Variants in FBXL20 observed in about 807,000 individuals in gnomAD.
FBXL20 encodes F-box and leucine rich repeat protein 20.
FBXL20 carries 11 observed loss-of-function variants against 64.0 expected under a neutral mutation model. That is an observed-to-expected ratio of 0.17 (90% CI 0.11 to 0.28). The LOEUF is 0.28. Ranked by LOEUF, FBXL20 falls within the 10% of genes least tolerant of loss-of-function variation. The probability of loss-of-function intolerance (pLI) is 1.00; values close to 1 mark genes in which losing one functional copy is unlikely to be tolerated. For missense variants in FBXL20, 303 were observed against 526.2 expected (o/e 0.58, Z 4.15); for synonymous variants, 184 against 189.0 (o/e 0.97, Z 0.22).
chr17:39,341,800 G>A (rs936237825), intron 2 of FBXL20, among the ~76,000 whole-genome samples: 2 of 152,184 alleles, frequency 1.3e-5, no homozygotes, highest in African/African-American at 4.8e-5. Context: ...GTTTGTGATA[G>A]CCAAGTCTGG....
At chr17:39,374,959 G>C (rs1012075085) in intron 1 of FBXL20, among the ~76,000 whole-genome samples, 6 of 151,952 alleles carry the variant, frequency 3.9e-5, no homozygotes, top group African/African-American at 1.5e-4. Flanking sequence ...GCTAATTTTC[G>C]TATTTTTAGT....
chr17:39,373,252 G>A (rs2047935579), intron 1 of FBXL20, among the ~76,000 whole-genome samples: 1 of 152,072 alleles, frequency 6.6e-6, no homozygotes, highest in African/African-American at 2.4e-5. Flanking sequence ...AAGAGATTAA[G>A]TATAACTTAT....
chr17:39,343,539 C>A (rs1225723867), intron 1 of FBXL20, among the ~76,000 whole-genome samples: 1 of 152,090 alleles, frequency 6.6e-6, no homozygotes, highest in Non-Finnish European at 1.5e-5. Flanking sequence ...CTATTATCTT[C>A]ACTTTATAGA....
chr17:39,305,123 C>G (rs1338851017), intron 2 of FBXL20, among the ~76,000 whole-genome samples: 1 of 151,476 alleles, frequency 6.6e-6, no homozygotes, highest in Non-Finnish European at 1.5e-5. Context: ...TTTAATAAAG[C>G]CTAAAAAACA....
At chr17:39,381,341 G>A (rs1426351892) in intron 1 of FBXL20, among the ~76,000 whole-genome samples, 1 of 151,286 alleles carries the variant, frequency 6.6e-6, no homozygotes, top group East Asian at 1.9e-4. Context: ...TTAGCCGGGT[G>A]TGGTGGCATA....
chr17:39,298,443 G>A (rs1054799111), intron 5 of FBXL20, among the ~76,000 whole-genome samples: 7 of 152,128 alleles, frequency 4.6e-5, no homozygotes, highest in Non-Finnish European at 1.0e-4. Context: ...ACTAAGCTGG[G>A]TGCAGTGGCT....
intron 1 of FBXL20, among the ~76,000 whole-genome samples, chr17:39,382,400 G>A (rs1382049650): frequency 7.0e-6 from 1 of 141,962 alleles, no homozygotes; most frequent in African/African-American, 2.6e-5. Context: ...CCCAGATCGC[G>A]CCACTGCACT....
intron 1 of FBXL20, among the ~76,000 whole-genome samples, chr17:39,359,765 T>A (rs1174855419): frequency 6.6e-6 from 1 of 152,236 alleles, no homozygotes; most frequent in Non-Finnish European, 1.5e-5. Context: ...AATTTTCATA[T>A]GATCCGGCAA....
intron 12 of FBXL20, among the ~76,000 whole-genome samples, chr17:39,266,649 C>T (rs1478904749): frequency 6.6e-6 from 1 of 152,156 alleles, no homozygotes; most frequent in African/African-American, 2.4e-5. Context: ...GCCCAGCCCC[C>T]ATGTCTTATT....
At chr17:39,378,803 G>A (rs995238506) in intron 1 of FBXL20, among the ~76,000 whole-genome samples, 3 of 151,516 alleles carry the variant, frequency 2.0e-5, no homozygotes, top group Non-Finnish European at 4.4e-5. Flanking sequence ...TAGAGACAGA[G>A]TTTCACTATG....
intron 1 of FBXL20, among the ~76,000 whole-genome samples, chr17:39,401,034 T>C (rs990824521): frequency 6.6e-6 from 1 of 152,128 alleles, no homozygotes; most frequent in African/African-American, 2.4e-5. Flanking sequence ...GGAGCCGTGA[T>C]GGCTGGGTGG....
In FBXL20 at chr17:39,342,160, A is replaced by T. The variant is rs137972821; in HGVS notation, c.104+1020T>A. On this transcript the variant is annotated intron_variant, in intron 2 of 14. Coordinates refer to ENST00000264658, the MANE Select transcript of FBXL20 (RefSeq NM_032875.3). ...GCCATGGTATGGAATTTTGAGTTTC[A>T]TGGTGAAAACAAAGAACTCTAGAAG... is the stretch of plus-strand genomic sequence containing the variant. Among the ~76,000 whole-genome samples the T allele has an allele frequency of 5.3e-4, 81 of 152,280 alleles. 1 individual carries two copies. The East Asian group carries it at 0.014, about 27-fold the overall frequency.
At chr17:39,394,504 C>G (rs1441784834) in intron 1 of FBXL20, among the ~76,000 whole-genome samples, 2 of 151,604 alleles carry the variant, frequency 1.3e-5, no homozygotes, top group East Asian at 3.9e-4. Flanking sequence ...GTCTCGATCT[C>G]CTGACCTTGT....
At position 39,256,594 on chromosome 17, in the gene FBXL20, T is replaced by A. The variant is rs893086647; in HGVS notation, c.*4866A>T. 6.6e-6 allele frequency: 1 copy of A among 152,142 alleles called. No homozygotes were observed. Among genetic ancestry groups the A allele is most frequent in the Non-Finnish European group, 1.5e-5 (1 of 68,042 alleles). 9.4% of individuals were successfully genotyped at this position (152,142 alleles called of 1,614,324 possible). On this transcript the variant is annotated 3_prime_UTR_variant, in exon 15 of 15. Coordinates refer to ENST00000264658, the MANE Select transcript of FBXL20 (RefSeq NM_032875.3). ...TAAAATGCTTCAGAGCTCAAACATA[T>A]GATTGAGAAAGTCTGTCAGCCAGGA...
chr17:39,275,246 A>C, intron 9 of FBXL20, 146 bp from the exon 10 acceptor site: 1 of 833,216 alleles, frequency 1.2e-6, no homozygotes. Flanking sequence ...CCTAAAAGAA[A>C]ATGAACACAC....
At chr17:39,335,913 A>C (rs769381663) in intron 2 of FBXL20, among the ~76,000 whole-genome samples, 16 of 152,080 alleles carry the variant, frequency 1.1e-4, no homozygotes, top group Non-Finnish European at 1.9e-4. Flanking sequence ...GGCTAAGGGG[A>C]GAGAATTGCT....
chr17:39,263,129 C>T (rs1033786507), intron 14 of FBXL20, among the ~76,000 whole-genome samples: 6 of 152,120 alleles, frequency 3.9e-5, no homozygotes, highest in South Asian at 2.1e-4. Flanking sequence ...ACCTGTAATC[C>T]GAGCACTTTG....
chr17:39,351,339 C>CAAAA (rs375439559), intron 1 of FBXL20, among the ~76,000 whole-genome samples: 1 of 95,716 alleles, frequency 1.0e-5, no homozygotes, highest in African/African-American at 3.5e-5. Context: ...TCTGTCTCAC[C>CAAAA]AAAAAAAAAA....
intron 1 of FBXL20, among the ~76,000 whole-genome samples, chr17:39,348,672 G>A (rs554260946): frequency 6.6e-6 from 1 of 152,112 alleles, no homozygotes; most frequent in Non-Finnish European, 1.5e-5. Flanking sequence ...TGCACTCATA[G>A]GCAGTAATTC....
Sources: allele counts gnomAD v4.1 joint callset (sites outside exome capture counted in the v4.1 genomes callset), GRCh38; gene constraint gnomAD v4.1.1; transcripts MANE v1.5; gene names NCBI Gene and HGNC (gene_info 2026-07-23, HGNC 2026-07-21).